The following DIAPH3 variants were observed in gnomAD, a reference collection of about 807,000 sequenced individuals.
The protein encoded by DIAPH3 is diaphanous related formin 3, also known as protein diaphanous homolog 3.
DIAPH3 carries 117 observed loss-of-function variants against 144.3 expected under a neutral mutation model. The ratio of observed to expected loss-of-function variants is 0.81; its 90% CI spans 0.70 to 0.95. DIAPH3 has a LOEUF of 0.95. Among genes scored for constraint, DIAPH3 ranks in the 40% least tolerant of loss-of-function variants. DIAPH3 has a pLI of 0.00. For synonymous variants in DIAPH3, 519 were observed against 488.9 expected (o/e 1.06, Z -0.81); for missense variants, 1,421 against 1,412.7 (o/e 1.01, Z -0.09).
intron 12 of DIAPH3, among the ~76,000 whole-genome samples, chr13:59,984,536 A>G (rs1176970806): frequency 6.6e-6 from 1 of 151,834 alleles, no homozygotes; most frequent in Admixed American, 6.6e-5. Context: ...AACATCCCTT[A>G]AGATTTTGAA....
intron 4 of DIAPH3, among the ~76,000 whole-genome samples, chr13:60,090,641 T>C (rs2057898892): frequency 6.6e-6 from 1 of 152,184 alleles, no homozygotes; most frequent in East Asian, 1.9e-4. Context: ...CTTTTCAGAG[T>C]AGCTTTTTCA....
chr13:59,773,807 T>C (rs542938716), intron 27 of DIAPH3, among the ~76,000 whole-genome samples: 3 of 83,894 alleles, frequency 3.6e-5, no homozygotes, highest in Admixed American at 2.4e-4. Context: ...CTGGCAAATG[T>C]GGGAGATTAA....
intron 21 of DIAPH3, among the ~76,000 whole-genome samples, chr13:59,878,079 C>T (rs1378741922): frequency 2.0e-5 from 3 of 151,958 alleles, no homozygotes; most frequent in Admixed American, 2.0e-4. Context: ...CTCATGTATG[C>T]CAGGTAAATA....
intron 22 of DIAPH3, among the ~76,000 whole-genome samples, chr13:59,860,609 G>A (rs978996084): frequency 7.9e-5 from 12 of 151,916 alleles, no homozygotes; most frequent in Non-Finnish European, 1.0e-4. Context: ...ATGGAGGCGG[G>A]TGCCTGTAGT....
At chr13:59,955,652 G>T (rs947101218) in intron 17 of DIAPH3, among the ~76,000 whole-genome samples, 16 of 152,154 alleles carry the variant, frequency 1.1e-4, no homozygotes, top group African/African-American at 3.9e-4. Flanking sequence ...ACAGTTTGGA[G>T]GGCTCAGAAG....
intron 9 of DIAPH3, among the ~76,000 whole-genome samples, chr13:60,008,298 A>G (rs746721208): frequency 6.6e-6 from 1 of 152,152 alleles, no homozygotes; most frequent in Non-Finnish European, 1.5e-5. Flanking sequence ...CGGGAGGCTG[A>G]GGCAGAAGAA....
chr13:59,853,216 ATAATC>A (rs2043079435), intron 22 of DIAPH3, among the ~76,000 whole-genome samples: 1 of 152,188 alleles, frequency 6.6e-6, no homozygotes, highest in Non-Finnish European at 1.5e-5. Context: ...TAATGTTTCT[ATAATC>A]TAATTGCAAA....
intron 4 of DIAPH3, among the ~76,000 whole-genome samples, chr13:60,056,892 A>C (rs887430129): frequency 6.6e-6 from 1 of 151,920 alleles, no homozygotes; most frequent in Non-Finnish European, 1.5e-5. Flanking sequence ...ATAACACTGT[A>C]AAGATATTAA....
intron 27 of DIAPH3, among the ~76,000 whole-genome samples, chr13:59,714,142 C>T (rs1044086163): frequency 4.6e-5 from 7 of 152,056 alleles, no homozygotes; most frequent in South Asian, 4.2e-4. Context: ...GGGCGGATCA[C>T]GAGGTCAGGA....
intron 5 of DIAPH3, among the ~76,000 whole-genome samples, chr13:60,037,892 G>A (rs1194286979): frequency 6.6e-6 from 1 of 151,896 alleles, no homozygotes; most frequent in Non-Finnish European, 1.5e-5. Context: ...GATTAGTTGG[G>A]AAAAATGTAA....
chr13:60,098,577 GAATA>G (rs149061710), intron 3 of DIAPH3, among the ~76,000 whole-genome samples: 289 of 151,920 alleles, frequency 1.9e-3, no homozygotes, highest in African/African-American at 6.6e-3. Context: ...CAAATTGAAA[GAATA>G]AATATAGAAA....
intron 4 of DIAPH3, among the ~76,000 whole-genome samples, chr13:60,064,775 C>T (rs1204375377): frequency 6.6e-6 from 1 of 152,136 alleles, no homozygotes; most frequent in Non-Finnish European, 1.5e-5. Context: ...GCATAAGAGG[C>T]TTTTGGCCTA....
chr13:59,981,055 AG>A lies in DIAPH3; in HGVS notation c.1481-197del, dbSNP rs1293141640. Among the ~76,000 whole-genome samples the A allele has an allele frequency of 1.3e-4, 20 of 151,664 alleles. No homozygotes were observed. The East Asian group carries it at 3.7e-3, about 28-fold the overall frequency. On this transcript the variant is annotated intron_variant, in intron 13 of 27. Transcript: ENST00000400324. ...CATGATACCAGAAAACAGAAAACACAGGAAAAGCCAAACTCAATAACAATTT... is the reference window on the plus strand; with the variant it reads ...CATGATACCAGAAAACAGAAAACACAGAAAAGCCAAACTCAATAACAATTT...
chr13:59,914,900 T>A (rs1419451236), intron 19 of DIAPH3, among the ~76,000 whole-genome samples: 1 of 152,192 alleles, frequency 6.6e-6, no homozygotes, highest in Non-Finnish European at 1.5e-5. Flanking sequence ...GCAAATAAGT[T>A]CTTGGTGAAT....
intron 20 of DIAPH3, among the ~76,000 whole-genome samples, chr13:59,906,509 T>C (rs1324725183): frequency 6.6e-6 from 1 of 152,200 alleles, no homozygotes; most frequent in African/African-American, 2.4e-5. Flanking sequence ...GAATATATGA[T>C]GTATTTTAAA....
chr13:60,092,314 A>C (rs2057963505), intron 4 of DIAPH3, among the ~76,000 whole-genome samples: 1 of 152,158 alleles, frequency 6.6e-6, no homozygotes, highest in Admixed American at 6.5e-5. Flanking sequence ...AAAGGCAATT[A>C]GTATCAGTAT....
rs758896445 is a variant in DIAPH3, at chr13:59,974,412, C to A, written c.1590G>T (p.Leu530Phe). ...CATTAATCTTTGCCTCTTTTTTCTGCAATTCAGCCTGAGTTTCTTGGTGGT... is the reference window on the plus strand; with the variant it reads ...CATTAATCTTTGCCTCTTTTTTCTGAAATTCAGCCTGAGTTTCTTGGTGGT... ...FTDHQETQAE[L>F]QKKEAKINEL... The change falls in exon 15 of 28, where the codon TTG becomes TTT. Residue 530 changes from leucine to phenylalanine, a missense_variant. Transcript: ENST00000400324. The A allele has an allele frequency of 6.2e-7, 1 of 1,611,674 alleles. No homozygotes were observed. The highest frequency in any genetic ancestry group is 2.2e-5 in the East Asian group (1 of 44,748).
At chr13:59,762,846 G>A (rs934315435) in intron 27 of DIAPH3, among the ~76,000 whole-genome samples, 23 of 152,078 alleles carry the variant, frequency 1.5e-4, no homozygotes, top group Admixed American at 3.3e-4. Context: ...GCCTTGAGGC[G>A]TCTGTCTTAG....
chr13:59,767,370 G>A (rs1434027030), intron 27 of DIAPH3, among the ~76,000 whole-genome samples: 1 of 152,064 alleles, frequency 6.6e-6, no homozygotes, highest in Non-Finnish European at 1.5e-5. Flanking sequence ...CATAGAAACA[G>A]AGACAATGTG....
Sources: gnomAD v4.1 joint callset for allele counts (sites outside exome capture counted in the v4.1 genomes callset) on GRCh38, gnomAD v4.1.1 for gene constraint, MANE v1.5 for transcripts, NCBI Gene and HGNC (gene_info 2026-07-23, HGNC 2026-07-21) for gene names.